The following MAGI1 variants were observed in gnomAD, a reference collection of about 807,000 sequenced individuals.
MAGI1 encodes the protein membrane-associated guanylate kinase, WW and PDZ domain-containing protein 1.
Under a neutral mutation model 139.9 loss-of-function variants are expected in MAGI1, and 58 were observed. That is an observed-to-expected ratio of 0.41 (90% confidence interval 0.34 to 0.52). MAGI1 has a LOEUF of 0.52. Ranked by LOEUF, MAGI1 falls within the 20% of genes least tolerant of loss-of-function variation. The probability of loss-of-function intolerance (pLI) is 0.12; values close to 1 mark genes in which losing one functional copy is unlikely to be tolerated. For missense variants in MAGI1, 1,874 were observed against 1,901.6 expected (o/e 0.99, Z 0.27); for synonymous variants, 812 against 737.9 (o/e 1.10, Z -1.63).
chr3:65,656,979 C>CAAAAAAAAAAAAAAAAAAAAA (rs58817001), intron 1 of MAGI1, among the ~76,000 whole-genome samples: 1 of 73,956 alleles, frequency 1.4e-5, no homozygotes, highest in Non-Finnish European at 2.4e-5. Flanking sequence ...GACACCATCT[C>CAAAAAAAAAAAAAAAAAAAAA]AAAAAAAAAA....
chr3:65,683,471 C>T (rs1362675174), intron 1 of MAGI1, among the ~76,000 whole-genome samples: 1 of 149,790 alleles, frequency 6.7e-6, no homozygotes, highest in Non-Finnish European at 1.5e-5. Flanking sequence ...AAAATAAAGC[C>T]TTATTAAAAA....
chr3:66,006,056 T>G (rs1435301978), intron 1 of MAGI1, among the ~76,000 whole-genome samples: 1 of 152,200 alleles, frequency 6.6e-6, no homozygotes, highest in Non-Finnish European at 1.5e-5. Context: ...ATTTGTTAAG[T>G]GACAACTCAA....
chr3:65,536,303 T>G (rs2107877165), intron 2 of MAGI1, among the ~76,000 whole-genome samples: 1 of 152,292 alleles, frequency 6.6e-6, no homozygotes, highest in Non-Finnish European at 1.5e-5. Flanking sequence ...CTTCTAGAAC[T>G]TCCCATATCG....
At position 65,857,255 on chromosome 3, in the gene MAGI1, C is replaced by T. The variant is rs1175441283; in HGVS notation, c.313+180741G>A. Among the ~76,000 whole-genome samples the T allele has an allele frequency of 2.0e-5, 3 of 152,296 alleles. No homozygotes were observed. The South Asian group carries it at 6.2e-4, about 32-fold the overall frequency. On this transcript the variant is annotated intron_variant, in intron 1 of 22. Coordinates refer to ENST00000402939, the MANE Select transcript of MAGI1 (RefSeq NM_001033057.2). The stretch of plus-strand genomic sequence containing the variant: ...TGGAGAAAAGAAACATGAGAGAGTA[C>T]AGCACAAAAATCTAGTACTGGTTCA...
Position 66,021,222 on chromosome 3 carries a change from CAT to C in MAGI1, c.313+16772_313+16773del, listed in dbSNP as rs1222515393. ...CCACATTACAGGTACACAATTGCCA[CAT>C]GTGGCTAGGGAATAAAATATTGCAC... On this transcript the variant is annotated intron_variant, in intron 1 of 22. Coordinates refer to ENST00000402939, the MANE Select transcript of MAGI1 (RefSeq NM_001033057.2). Among the ~76,000 whole-genome samples, 15 of 152,206 alleles carry C rather than the reference CAT, an allele frequency of 9.9e-5. 1 individual carries two copies. The highest frequency in any genetic ancestry group is 9.8e-4 in the Admixed American group (15 of 15,280).
At chr3:65,385,786 T>C (rs774503210) in intron 14 of MAGI1, among the ~76,000 whole-genome samples, 2 of 152,186 alleles carry the variant, frequency 1.3e-5, no homozygotes, top group Non-Finnish European at 2.9e-5. Context: ...TGCACAGGAC[T>C]CCCATAAACA....
chr3:65,701,984 C>G (rs1047034472), intron 1 of MAGI1, among the ~76,000 whole-genome samples: 1 of 152,100 alleles, frequency 6.6e-6, no homozygotes, highest in Non-Finnish European at 1.5e-5. Context: ...TTCCCCGACG[C>G]TTGTTATTTT....
intron 1 of MAGI1, among the ~76,000 whole-genome samples, chr3:65,881,791 CT>C (rs1052080664): frequency 6.6e-6 from 1 of 152,098 alleles, no homozygotes; most frequent in South Asian, 2.1e-4. Context: ...CATCCAAGCA[CT>C]TTTTTTTAGC....
chr3:65,901,660 T>C (rs2061238513), intron 1 of MAGI1, among the ~76,000 whole-genome samples: 1 of 152,254 alleles, frequency 6.6e-6, no homozygotes, highest in African/African-American at 2.4e-5. Context: ...AAATCATTTA[T>C]CTACATACAC....
intron 1 of MAGI1, among the ~76,000 whole-genome samples, chr3:65,930,693 A>G (rs2062766970): frequency 6.6e-6 from 1 of 152,188 alleles, no homozygotes; most frequent in African/African-American, 2.4e-5. Context: ...GCGGTAAAGA[A>G]GCCAGCCAAA....
rs78660330 is a variant in MAGI1 at position 65,552,031 on chromosome 3, T to A, written c.431-58400A>T. On this transcript the variant is annotated intron_variant, in intron 2 of 22. Transcript: ENST00000402939. The stretch of plus-strand genomic sequence containing the variant: ...TGGGGGAGGCAGTGAGATATTCCTG[T>A]CAGAGTGAAAGTGATTTTCAATTTC... Among the ~76,000 whole-genome samples, 1,137 of 152,302 alleles carry A rather than the reference T, an allele frequency of 7.5e-3. 9 individuals carry two copies. Among genetic ancestry groups the A allele is most frequent in the African/African-American group, 0.026 (1,100 of 41,562 alleles).
intron 1 of MAGI1, among the ~76,000 whole-genome samples, chr3:65,965,232 T>C (rs747929080): frequency 6.6e-6 from 1 of 152,270 alleles, no homozygotes; most frequent in Non-Finnish European, 1.5e-5. Context: ...TTTAATTCAG[T>C]GTTCAAAAGA....
intron 1 of MAGI1, among the ~76,000 whole-genome samples, chr3:65,773,575 T>G (rs996315795): frequency 6.6e-6 from 1 of 152,068 alleles, no homozygotes; most frequent in African/African-American, 2.4e-5. Context: ...CACTGGTAGG[T>G]AAACTCAGAA....
chr3:65,480,213 C>A (rs535954986), intron 3 of MAGI1, among the ~76,000 whole-genome samples: 1 of 150,450 alleles, frequency 6.6e-6, no homozygotes, highest in African/African-American at 2.4e-5. Context: ...ATAGCCTGGT[C>A]TCCGTGAGAC....
intron 1 of MAGI1, among the ~76,000 whole-genome samples, chr3:65,968,610 A>G (rs951744229): frequency 6.6e-6 from 1 of 151,150 alleles, no homozygotes; most frequent in Non-Finnish European, 1.5e-5. Flanking sequence ...TATATATATT[A>G]TATTTTTTTA....
At chr3:65,657,743 C>T (rs1217047452) in intron 1 of MAGI1, among the ~76,000 whole-genome samples, 2 of 152,090 alleles carry the variant, frequency 1.3e-5, no homozygotes, top group Non-Finnish European at 2.9e-5. Context: ...GAAATTTGCT[C>T]CTAAGTTTGG....
At chr3:65,858,489 T>C (rs1307569484) in intron 1 of MAGI1, among the ~76,000 whole-genome samples, 1 of 152,208 alleles carries the variant, frequency 6.6e-6, no homozygotes, top group East Asian at 1.9e-4. Flanking sequence ...AATAAATTGG[T>C]AAAAGATAAG....
At chr3:65,469,649 C>T (rs1399623873) in intron 5 of MAGI1, 4 of 151,680 alleles carry the variant, frequency 2.6e-5, no homozygotes, top group Admixed American at 6.6e-5. Flanking sequence ...AAAATATTTA[C>T]GACTCTGTGT....
intron 1 of MAGI1, among the ~76,000 whole-genome samples, chr3:65,720,891 A>C (rs567338401): frequency 6.6e-6 from 1 of 152,206 alleles, no homozygotes; most frequent in East Asian, 1.9e-4. Context: ...CTAGGACTAC[A>C]GGTGCACAAC....
Sources: gnomAD v4.1 joint callset for allele counts (sites outside exome capture counted in the v4.1 genomes callset) on GRCh38, gnomAD v4.1.1 for gene constraint, MANE v1.5 for transcripts, NCBI Gene and HGNC (gene_info 2026-07-23, HGNC 2026-07-21) for gene names.